Variants in CNTNAP2 observed in about 807,000 individuals in gnomAD.
CNTNAP2 encodes contactin associated protein 2.
In CNTNAP2, 98 loss-of-function variants were observed where a neutral mutation model predicts 155.2. The ratio of observed to expected loss-of-function variants is 0.63; its 90% CI spans 0.54 to 0.75. CNTNAP2 has a LOEUF of 0.75. Among genes scored for constraint, CNTNAP2 ranks in the 30% least tolerant of loss-of-function variants. The pLI is 0.00. For synonymous variants in CNTNAP2, 651 were observed against 631.2 expected (o/e 1.03, Z -0.47); for missense variants, 1,727 against 1,688.1 (o/e 1.02, Z -0.40).
intron 1 of CNTNAP2, among the ~76,000 whole-genome samples, chr7:146,722,359 G>A (rs1226004444): frequency 2.6e-5 from 4 of 152,026 alleles, no homozygotes; most frequent in African/African-American, 9.7e-5. Flanking sequence ...TAATACCCTG[G>A]GGTAGAATGC....
intron 12 of CNTNAP2, among the ~76,000 whole-genome samples, chr7:147,584,211 C>T (rs372972581): frequency 2.0e-5 from 3 of 152,138 alleles, no homozygotes; most frequent in East Asian, 3.9e-4. Flanking sequence ...ATTAGAAGAG[C>T]TCTTTTGAGA....
intron 14 of CNTNAP2, among the ~76,000 whole-genome samples, chr7:147,972,589 C>T (rs1801352340): frequency 6.6e-6 from 1 of 151,998 alleles, no homozygotes; most frequent in Non-Finnish European, 1.5e-5. Context: ...GTTAGAGAAA[C>T]AAAATCCATA....
intron 1 of CNTNAP2, among the ~76,000 whole-genome samples, chr7:146,165,712 T>C (rs1798302245): frequency 6.6e-6 from 1 of 152,222 alleles, no homozygotes; most frequent in Non-Finnish European, 1.5e-5. Flanking sequence ...ATGTTGGAAA[T>C]ATTTGTGAAT....
At chr7:146,360,730 C>A (rs1427133773) in intron 1 of CNTNAP2, among the ~76,000 whole-genome samples, 1 of 152,126 alleles carries the variant, frequency 6.6e-6, no homozygotes, top group Non-Finnish European at 1.5e-5. Flanking sequence ...TATTCTGGGG[C>A]TTAAATTTTG....
chr7:148,393,601 T>A (rs937471096), intron 22 of CNTNAP2, among the ~76,000 whole-genome samples: 15 of 152,224 alleles, frequency 9.9e-5, no homozygotes, highest in African/African-American at 3.6e-4. Context: ...ATTGTATCCA[T>A]GATTTTGTTG....
intron 13 of CNTNAP2, 89 bp downstream of exon 13, chr7:147,639,395 C>A: frequency 8.1e-7 from 1 of 1,240,034 alleles, no homozygotes; most frequent in Non-Finnish European, 1.2e-6. Context: ...GGTTCATTAT[C>A]TTATAGTCTA....
At chr7:147,317,345 A>G (rs1389584338) in intron 9 of CNTNAP2, among the ~76,000 whole-genome samples, 1 of 152,130 alleles carries the variant, frequency 6.6e-6, no homozygotes, top group Non-Finnish European at 1.5e-5. Flanking sequence ...TGCAATACTT[A>G]TTTATTTGTT....
chr7:146,468,594 T>C (rs1796750157), intron 1 of CNTNAP2, among the ~76,000 whole-genome samples: 1 of 152,224 alleles, frequency 6.6e-6, no homozygotes, highest in Admixed American at 6.5e-5. Flanking sequence ...CTTGCTGTTG[T>C]GCTGAAGTTC....
chr7:148,061,633 G>T lies in CNTNAP2; in HGVS notation c.2384-56485G>T, dbSNP rs557674979. On this transcript the variant is annotated intron_variant, in intron 15 of 23. Transcript: ENST00000361727. Reference sequence around the variant, plus strand: ...CCCTCCCAAAATACTGTGATTACAGGTGTGAGCCACCACACCCAGCCTTCA... The same window carrying T: ...CCCTCCCAAAATACTGTGATTACAGTTGTGAGCCACCACACCCAGCCTTCA... 4.0e-5 allele frequency among the ~76,000 whole-genome samples: 6 copies of T among 151,824 alleles called. No homozygotes were observed. The East Asian group carries it at 1.2e-3, about 30-fold the overall frequency.
At chr7:147,566,712 G>A (rs1800179969) in intron 12 of CNTNAP2, among the ~76,000 whole-genome samples, 1 of 152,096 alleles carries the variant, frequency 6.6e-6, no homozygotes, top group African/African-American at 2.4e-5. Context: ...CCTCTCACCA[G>A]GTCCTTCCCT....
chr7:146,319,827 T>A (rs1800969978), intron 1 of CNTNAP2, among the ~76,000 whole-genome samples: 1 of 150,618 alleles, frequency 6.6e-6, no homozygotes, highest in Admixed American at 6.6e-5. Flanking sequence ...TTCCCATCGT[T>A]CGGGCATGGC....
chr7:147,198,881 C>G (rs1584787711), intron 8 of CNTNAP2, among the ~76,000 whole-genome samples: 1 of 151,328 alleles, frequency 6.6e-6, no homozygotes. Flanking sequence ...ATTGTGGATA[C>G]CAGAGCTGAG....
chr7:147,615,433 C>T (rs1214610573), intron 12 of CNTNAP2, among the ~76,000 whole-genome samples: 1 of 111,388 alleles, frequency 9.0e-6, no homozygotes, highest in East Asian at 2.7e-4. Context: ...GAACCTGTCT[C>T]AAAAAAAACT....
chr7:147,945,079 T>C (rs1348452286), intron 14 of CNTNAP2, among the ~76,000 whole-genome samples: 1 of 152,216 alleles, frequency 6.6e-6, no homozygotes, highest in Non-Finnish European at 1.5e-5. Context: ...ATTGCCTGTA[T>C]AGAATTATAT....
intron 1 of CNTNAP2, among the ~76,000 whole-genome samples, chr7:146,475,080 G>T (rs1335961108): frequency 6.6e-6 from 1 of 152,094 alleles, no homozygotes; most frequent in Non-Finnish European, 1.5e-5. Context: ...CTATATATTT[G>T]TGTGAAGATA....
intron 13 of CNTNAP2, among the ~76,000 whole-genome samples, chr7:147,797,308 A>G (rs867335024): frequency 1.3e-5 from 2 of 152,110 alleles, no homozygotes; most frequent in African/African-American, 4.8e-5. Flanking sequence ...AAAATTCTCA[A>G]CTTAACTTTG....
chr7:146,760,505 A>C (rs1802079259), intron 1 of CNTNAP2, among the ~76,000 whole-genome samples: 1 of 141,040 alleles, frequency 7.1e-6, no homozygotes, highest in Non-Finnish European at 1.5e-5. Context: ...ACTCATTACA[A>C]CATCTGCCTC....
intron 18 of CNTNAP2, among the ~76,000 whole-genome samples, chr7:148,188,799 T>A (rs1479448461): frequency 6.6e-6 from 1 of 152,256 alleles, no homozygotes; most frequent in African/African-American, 2.4e-5. Context: ...ATATAGCATT[T>A]CATTCCCTTG....
chr7:148,207,113 A>G (rs894594702), intron 18 of CNTNAP2, among the ~76,000 whole-genome samples: 2 of 152,220 alleles, frequency 1.3e-5, no homozygotes, highest in Non-Finnish European at 2.9e-5. Flanking sequence ...AGCCTCACAT[A>G]TAGTAGGAGT....
Sources: gnomAD v4.1 joint callset for allele counts (sites outside exome capture counted in the v4.1 genomes callset) on GRCh38, gnomAD v4.1.1 for gene constraint, MANE v1.5 for transcripts, NCBI Gene and HGNC (gene_info 2026-07-23, HGNC 2026-07-21) for gene names.